Variants in ADGRB1 observed in about 807,000 individuals in gnomAD.
ADGRB1 encodes brain-specific angiogenesis inhibitor 1.
Under a neutral mutation model 175.7 loss-of-function variants are expected in ADGRB1, and 36 were observed. That is an observed-to-expected ratio of 0.20 (90% CI 0.16 to 0.27). The LOEUF is 0.27. Ranked by LOEUF, ADGRB1 falls within the 10% of genes least tolerant of loss-of-function variation. The pLI, the probability that ADGRB1 is intolerant of heterozygous loss-of-function variation, is 1.00. For synonymous variants in ADGRB1, 1,054 were observed against 979.4 expected, an observed-to-expected ratio of 1.08 and a Z score of -1.42; for missense variants, 1,731 against 2,255.3, an observed-to-expected ratio of 0.77 and a Z score of 4.71.
intron 18 of ADGRB1, among the ~76,000 whole-genome samples, chr8:142,515,469 G>A (rs541562939): frequency 1.8e-4 from 28 of 151,900 alleles, no homozygotes; most frequent in South Asian, 8.3e-4. Context: ...GCGGGTTTGC[G>A]GCTGCCAGGC....
At chr8:142,519,793 T>G (rs1843664812) in intron 19 of ADGRB1, among the ~76,000 whole-genome samples, 1 of 151,282 alleles carries the variant, frequency 6.6e-6, no homozygotes, top group Non-Finnish European at 1.5e-5. Flanking sequence ...ATGGTGGTAG[T>G]GGTGGTTGTG....
intron 18 of ADGRB1, among the ~76,000 whole-genome samples, chr8:142,516,378 C>CAT (rs1843432812): frequency 9.3e-6 from 1 of 107,918 alleles, no homozygotes; most frequent in Non-Finnish European, 1.8e-5. Context: ...GCCCCAGGTG[C>CAT]GTGCGTCTGT....
At chr8:142,498,080 C>A (rs758306477) in intron 17 of ADGRB1, among the ~76,000 whole-genome samples, 1 of 152,136 alleles carries the variant, frequency 6.6e-6, no homozygotes, top group Non-Finnish European at 1.5e-5. Context: ...TGCTTGGGAA[C>A]TCTGGGACCC....
chr8:142,493,913 T>G lies in ADGRB1; in HGVS notation c.2675+3098T>G, dbSNP rs1842097084. On this transcript the variant is annotated intron_variant, in intron 17 of 30. Transcript: ENST00000517894. The surrounding 1 kb of genome is among the most constrained non-coding windows in gnomAD (Gnocchi z 5.0). ...GCCCTGTGAACTGTCTCCGGGGAGC[T>G]GAGTTTCCCAGTTGACCTGAAGTGG... 6.6e-6 allele frequency among the ~76,000 whole-genome samples: 1 copy of G among 152,192 alleles called. No homozygotes were observed. The highest frequency in any genetic ancestry group is 2.4e-5 in the African/African-American group (1 of 41,442).
chr8:142,525,625 A>G (rs1160994880), intron 23 of ADGRB1, among the ~76,000 whole-genome samples: 1 of 152,140 alleles, frequency 6.6e-6, no homozygotes, highest in Non-Finnish European at 1.5e-5. Context: ...CTCTGCATCC[A>G]TTGTGGAAAG....
At chr8:142,458,370 G>T (rs1334368517) in intron 1 of ADGRB1, among the ~76,000 whole-genome samples, 1 of 152,160 alleles carries the variant, frequency 6.6e-6, no homozygotes, top group Non-Finnish European at 1.5e-5. Context: ...GATGGCGGCG[G>T]GAGGCGGGTG....
At position 142,526,525 on chromosome 8, in the gene ADGRB1, C is replaced by CCCCCAA; in HGVS notation, c.3313-17_3313-16insCCCCAA. 6.4e-7 allele frequency: 1 copy of CCCCCAA among 1,560,334 alleles called. No individual in the cohort carries two copies. Among genetic ancestry groups the CCCCCAA allele is most frequent in the Non-Finnish European group, 8.7e-7 (1 of 1,147,572 alleles). Reference sequence around the variant, plus strand: ...GCGGCCCCCACCCCCACACCCCCACCACTCTCTGCCCGGCAGGTGAACATG... The same window carrying CCCCCAA: ...GCGGCCCCCACCCCCACACCCCCACCCCCCAAACTCTCTGCCCGGCAGGTGAACATG... On this transcript the variant is annotated splice_polypyrimidine_tract_variant and intron_variant, in intron 23 of 30. Coordinates refer to ENST00000517894, the MANE Select transcript of ADGRB1 (RefSeq NM_001702.3).
chr8:142,495,340 G>C (rs1249285203), intron 17 of ADGRB1, among the ~76,000 whole-genome samples: 1 of 152,114 alleles, frequency 6.6e-6, no homozygotes, highest in African/African-American at 2.4e-5. Flanking sequence ...TGCATGGAAG[G>C]CTAGAGACAG....
At chr8:142,507,301 G>A (rs893879229) in intron 17 of ADGRB1, among the ~76,000 whole-genome samples, 2 of 152,220 alleles carry the variant, frequency 1.3e-5, no homozygotes, top group Non-Finnish European at 2.9e-5. Flanking sequence ...GAGCCAGGAG[G>A]ACGGAGGAGG....
chr8:142,469,269 AC>A (rs1302557508), intron 2 of ADGRB1, among the ~76,000 whole-genome samples: 1 of 148,366 alleles, frequency 6.7e-6, no homozygotes, highest in Non-Finnish European at 1.5e-5. Context: ...ATGTGTGTGC[AC>A]GTGCAGGTGA....
intron 3 of ADGRB1, among the ~76,000 whole-genome samples, 180 bp from the exon 4 acceptor site, chr8:142,476,405 G>C (rs913921968): frequency 6.6e-6 from 1 of 152,192 alleles, no homozygotes; most frequent in Non-Finnish European, 1.5e-5. Flanking sequence ...AGGACCCACA[G>C]GAAGGGTCCC....
Position 142,526,404 on chromosome 8 carries a change from T to C in ADGRB1, c.3313-138T>C, listed in dbSNP as rs372134088. 49 of 750,770 alleles carry C rather than the reference T, an allele frequency of 6.5e-5. 2 individuals carry two copies. Among genetic ancestry groups the C allele is most frequent in the Admixed American group, 5.2e-4 (25 of 47,902 alleles). The allele number at this position is 750,770 out of a possible 1,614,324, so 46.5% of individuals were successfully genotyped here. A position where few individuals can be genotyped will look rare whatever the true frequency, so the allele number is the denominator to read the frequency against. On this transcript the variant is annotated intron_variant, in intron 23 of 30. Transcript: ENST00000517894. ...ACATCCCATCAGGCACTGGGGTTCCTGTGATGGAGGCACGGGAGGTGACCC... is the reference window on the plus strand; with the variant it reads ...ACATCCCATCAGGCACTGGGGTTCCCGTGATGGAGGCACGGGAGGTGACCC...
chr8:142,484,967 C>T (rs1563701551), intron 13 of ADGRB1, among the ~76,000 whole-genome samples: 2 of 152,190 alleles, frequency 1.3e-5, no homozygotes, highest in Non-Finnish European at 2.9e-5. Flanking sequence ...AGACACAGCC[C>T]ACGGGGTGTG....
Position 142,477,133 on chromosome 8 carries a change from G to A in ADGRB1, c.1077G>A (p.Glu359=). The A allele has an allele frequency of 6.3e-7, 1 of 1,583,634 alleles. No homozygotes were observed. Among genetic ancestry groups the A allele is most frequent in the Non-Finnish European group, 8.5e-7 (1 of 1,171,338 alleles). ...CTGCAGGTGACCCAGCAGCCGAGGA[G>A]TGGTCCCCGTGGAGCGTGTGCTCCA... ...APQTGDPAAE[E]WSPWSVCSST... is the part of the protein sequence containing the mutation. The change falls in exon 5 of 31, where the codon GAG becomes GAA. Residue 359 remains glutamate (E), a synonymous_variant. Transcript: ENST00000517894.
Position 142,481,295 on chromosome 8 carries a change from G to A in ADGRB1, c.1870G>A (p.Ala624Thr), listed in dbSNP as rs781191668. ...RRCELDEEGI[A>T]YWEPPTYIRC... The stretch of plus-strand genomic sequence containing the variant: ...GTGTGAGCTGGACGAGGAAGGCATC[G>A]CCTACTGGGAGCCCCCCACCTACAT... The change falls in exon 10 of 31, where the codon GCC (alanine) becomes ACC (threonine). Residue 624 changes from alanine (A) to threonine (T), a missense_variant. Ala to Thr is a moderately conservative substitution (Grantham distance 58). This residue lies in a region of ADGRB1 where 388 missense variants were observed against 630.9 expected (regional missense o/e 0.61). Coordinates refer to ENST00000517894, the MANE Select transcript of ADGRB1 (RefSeq NM_001702.3). 6 of 1,613,702 alleles carry A rather than the reference G, an allele frequency of 3.7e-6. No individual in the cohort carries two copies. The highest frequency in any genetic ancestry group is 1.1e-5 in the South Asian group (1 of 91,084).
At chr8:142,487,161 G>A (rs1006185277) in intron 13 of ADGRB1, among the ~76,000 whole-genome samples, 21 of 151,984 alleles carry the variant, frequency 1.4e-4, no homozygotes, top group Non-Finnish European at 2.5e-4. Context: ...CCCCTTACCC[G>A]GGCACACCTG....
At chr8:142,521,904 G>T (rs1843872275) in intron 20 of ADGRB1, 61 bp from the exon 21 acceptor site, 3 of 1,526,116 alleles carry the variant, frequency 2.0e-6, no homozygotes, top group Non-Finnish European at 1.8e-6. Context: ...GGCACTCAGT[G>T]GGGACAGGTG....
At chr8:142,533,494 G>T (rs1844745690) in intron 25 of ADGRB1, 28 bp downstream of exon 25, 1 of 1,565,862 alleles carries the variant, frequency 6.4e-7, no homozygotes, top group Non-Finnish European at 8.7e-7. Context: ...TGTCGGGCCG[G>T]GCTCCTGCGG....
At chr8:142,541,543 G>C (rs1294754864) in intron 27 of ADGRB1, among the ~76,000 whole-genome samples, 1 of 152,222 alleles carries the variant, frequency 6.6e-6, no homozygotes, top group African/African-American at 2.4e-5. Flanking sequence ...TGGGCGTCGG[G>C]AGCGTTGGAG....
Sources: gnomAD v4.1 joint callset for allele counts (sites outside exome capture counted in the v4.1 genomes callset) on GRCh38, gnomAD v4.1.1 for gene constraint, gnomAD v4.1.1 regional missense constraint, Gnocchi (gnomAD v3.1) non-coding constraint, MANE v1.5 for transcripts, NCBI Gene and HGNC (gene_info 2026-07-23, HGNC 2026-07-21) for gene names.